The following MACROD2 variants were observed in gnomAD, a reference collection of about 807,000 sequenced individuals.
The protein encoded by MACROD2 is mono-ADP ribosylhydrolase 2.
MACROD2 carries 36 observed loss-of-function variants against 70.4 expected under a neutral mutation model. The ratio of observed to expected loss-of-function variants is 0.51; its 90% CI spans 0.39 to 0.68. The LOEUF (loss-of-function observed/expected upper bound fraction) is 0.68. Ranked by LOEUF, MACROD2 falls within the 30% of genes least tolerant of loss-of-function variation. The probability of loss-of-function intolerance (pLI) is 0.00; values close to 1 mark genes in which losing one functional copy is unlikely to be tolerated. For synonymous variants in MACROD2, 172 were observed against 178.8 expected, an observed-to-expected ratio of 0.96 and a Z score of 0.30; for missense variants, 496 against 538.4, an observed-to-expected ratio of 0.92 and a Z score of 0.78.
intron 4 of MACROD2, among the ~76,000 whole-genome samples, chr20:14,498,787 T>A (rs1041220257): frequency 6.6e-6 from 1 of 152,216 alleles, no homozygotes; most frequent in African/African-American, 2.4e-5. Flanking sequence ...AATTTTGTCT[T>A]AAGCATTCAC....
chr20:14,063,324 C>T (rs1409133497), intron 2 of MACROD2, among the ~76,000 whole-genome samples: 1 of 152,118 alleles, frequency 6.6e-6, no homozygotes, highest in Non-Finnish European at 1.5e-5. Flanking sequence ...ATTAGAAATT[C>T]TACTTCTGTG....
intron 10 of MACROD2, among the ~76,000 whole-genome samples, chr20:15,886,443 C>A (rs1196872922): frequency 1.3e-5 from 2 of 152,118 alleles, no homozygotes; most frequent in African/African-American, 4.8e-5. Context: ...TTGGAATAGT[C>A]ACAAGCCTGC....
intron 2 of MACROD2, among the ~76,000 whole-genome samples, chr20:14,037,397 A>G (rs2053327390): frequency 6.6e-6 from 1 of 152,228 alleles, no homozygotes; most frequent in African/African-American, 2.4e-5. Context: ...CTTTCATGCA[A>G]TTATAAATGA....
chr20:15,095,309 T>G (rs1180549552), intron 5 of MACROD2, among the ~76,000 whole-genome samples: 2 of 151,798 alleles, frequency 1.3e-5, no homozygotes, highest in Non-Finnish European at 1.5e-5. Context: ...CCTCCAGACC[T>G]CGTGATCCAC....
At chr20:14,737,272 A>C (rs2123712919) in intron 5 of MACROD2, among the ~76,000 whole-genome samples, 1 of 152,212 alleles carries the variant, frequency 6.6e-6, no homozygotes, top group Middle Eastern at 3.4e-3. Flanking sequence ...GTCCCTGCAA[A>C]GGACGTGAAC....
At chr20:14,620,039 G>A (rs1184556723) in intron 4 of MACROD2, among the ~76,000 whole-genome samples, 3 of 152,126 alleles carry the variant, frequency 2.0e-5, no homozygotes, top group African/African-American at 7.2e-5. Flanking sequence ...AAGTAGGCTG[G>A]AAGAGGAATG....
intron 8 of MACROD2, among the ~76,000 whole-genome samples, chr20:15,778,713 G>A (rs1194606659): frequency 6.6e-6 from 1 of 151,986 alleles, no homozygotes; most frequent in East Asian, 1.9e-4. Flanking sequence ...TGAATGAACT[G>A]TTATCTTAGA....
At chr20:14,517,124 G>A (rs2085110194) in intron 4 of MACROD2, among the ~76,000 whole-genome samples, 1 of 152,212 alleles carries the variant, frequency 6.6e-6, no homozygotes, top group Non-Finnish European at 1.5e-5. Context: ...GTAGAAGACA[G>A]TATGGCAATC....
chr20:15,422,979 C>T (rs6105411), intron 6 of MACROD2, among the ~76,000 whole-genome samples: 50,041 of 152,014 alleles, frequency 0.33, 8,494 homozygotes, highest in South Asian at 0.39. Flanking sequence ...TCTGGTTTAC[C>T]TAATATTCTA....
chr20:15,521,037 A>G (rs759894676), intron 8 of MACROD2, among the ~76,000 whole-genome samples: 1 of 152,188 alleles, frequency 6.6e-6, no homozygotes, highest in Non-Finnish European at 1.5e-5. Flanking sequence ...AAGAACAAAT[A>G]TATAATTAGA....
At chr20:15,668,899 CT>C (rs2049939260) in intron 8 of MACROD2, among the ~76,000 whole-genome samples, 1 of 152,134 alleles carries the variant, frequency 6.6e-6, no homozygotes, top group African/African-American at 2.4e-5. Context: ...TAGTAGGCTC[CT>C]GTAAATAACT....
At chr20:15,436,136 C>T (rs796502008) in intron 7 of MACROD2, among the ~76,000 whole-genome samples, 1 of 152,130 alleles carries the variant, frequency 6.6e-6, no homozygotes, top group African/African-American at 2.4e-5. Context: ...GGTTTATAGA[C>T]CATTCAGCAT....
intron 8 of MACROD2, among the ~76,000 whole-genome samples, chr20:15,527,216 A>G (rs988368346): frequency 6.6e-6 from 1 of 152,080 alleles, no homozygotes. Flanking sequence ...TTTGGTTTCC[A>G]TGTGTCTTAA....
chr20:15,223,389 T>A (rs1202971215), intron 5 of MACROD2, among the ~76,000 whole-genome samples: 1 of 152,186 alleles, frequency 6.6e-6, no homozygotes, highest in African/African-American at 2.4e-5. Context: ...CATAGGAAGT[T>A]ATGATGCTAA....
At chr20:15,130,890 C>A (rs2076099898) in intron 5 of MACROD2, among the ~76,000 whole-genome samples, 1 of 152,056 alleles carries the variant, frequency 6.6e-6, no homozygotes, top group African/African-American at 2.4e-5. Flanking sequence ...AAGGGAAACT[C>A]TCTGAAGCCA....
In MACROD2 at chr20:14,051,215, T is replaced by C. The variant is rs543113704; in HGVS notation, c.164-34406T>C. On this transcript the variant is annotated intron_variant, in intron 2 of 17. Coordinates refer to ENST00000684519, the MANE Select transcript of MACROD2 (RefSeq NM_001351661.2). Reference sequence around the variant, plus strand: ...AAGGATGGAGGAATGAGAGAGGAATTCTTTTAAAATACATAATGTTGTTTT... The same window carrying C: ...AAGGATGGAGGAATGAGAGAGGAATCCTTTTAAAATACATAATGTTGTTTT... Among the ~76,000 whole-genome samples, 3 of 152,284 alleles carry C rather than the reference T, an allele frequency of 2.0e-5. No individual in the cohort carries two copies. The East Asian group carries it at 5.8e-4, about 29-fold the overall frequency.
chr20:14,930,094 G>A (rs6043000), intron 5 of MACROD2, among the ~76,000 whole-genome samples: 21,165 of 149,576 alleles, frequency 0.14, 1,631 homozygotes, highest in South Asian at 0.18. Context: ...CCCGGGAGGC[G>A]GAGCTTGCAG....
chr20:15,999,171 G>GT (rs1221974193), intron 15 of MACROD2, among the ~76,000 whole-genome samples: 1 of 151,964 alleles, frequency 6.6e-6, no homozygotes. Context: ...CATCTTGTAA[G>GT]TTTTGTTATA....
chr20:14,543,456 C>G (rs563066753), intron 4 of MACROD2, among the ~76,000 whole-genome samples: 1 of 152,270 alleles, frequency 6.6e-6, no homozygotes, highest in African/African-American at 2.4e-5. Context: ...TTGTTTTACT[C>G]TACACTTTTT....
Sources: allele counts gnomAD v4.1 joint callset (sites outside exome capture counted in the v4.1 genomes callset), GRCh38; gene constraint gnomAD v4.1.1; transcripts MANE v1.5; gene names NCBI Gene and HGNC (gene_info 2026-07-23, HGNC 2026-07-21).